Variants in RNF212B observed in about 807,000 individuals in gnomAD.
The protein encoded by RNF212B is E3 ubiquitin-protein ligase RNF212B.
In RNF212B, 52 loss-of-function variants were observed where a neutral mutation model predicts 55.5. That is an observed-to-expected ratio of 0.94 (90% CI 0.75 to 1.18). The LOEUF is 1.18. Ranked by LOEUF, RNF212B falls within the 50% of genes most tolerant of loss-of-function variation. The pLI is 0.00. For synonymous variants in RNF212B, 99 were observed against 121.4 expected, an observed-to-expected ratio of 0.82 and a Z score of 1.21; for missense variants, 289 against 350.4, an observed-to-expected ratio of 0.82 and a Z score of 1.40.
chr14:23,214,535 T>C (rs1211193586), intron 2 of RNF212B, among the ~76,000 whole-genome samples: 2 of 151,780 alleles, frequency 1.3e-5, no homozygotes, highest in Non-Finnish European at 2.9e-5. Flanking sequence ...ATTAAATTAA[T>C]TTAATTTAAA....
intron 4 of RNF212B, among the ~76,000 whole-genome samples, chr14:23,251,910 C>G (rs1884439856): frequency 6.6e-6 from 1 of 152,078 alleles, no homozygotes. Flanking sequence ...CTTCCATACC[C>G]TCTCCAGATG....
chr14:23,207,510 C>T (rs1879963734), intron 2 of RNF212B, among the ~76,000 whole-genome samples: 1 of 152,168 alleles, frequency 6.6e-6, no homozygotes, highest in Non-Finnish European at 1.5e-5. Flanking sequence ...TAGATCTCCA[C>T]CAAATTTGGG....
intron 2 of RNF212B, among the ~76,000 whole-genome samples, chr14:23,200,324 T>C (rs891401638): frequency 1.5e-4 from 23 of 151,674 alleles, no homozygotes; most frequent in African/African-American, 5.6e-4. Context: ...GAATTTCCTC[T>C]CCCCCAACTT....
chr14:23,224,861 A>G (rs1881871094), intron 2 of RNF212B, among the ~76,000 whole-genome samples: 1 of 152,314 alleles, frequency 6.6e-6, no homozygotes, highest in South Asian at 2.1e-4. Flanking sequence ...CCATCTGACA[A>G]GGGATTAATA....
intron 4 of RNF212B, among the ~76,000 whole-genome samples, chr14:23,257,166 A>G (rs538377341): frequency 1.3e-5 from 2 of 151,238 alleles, no homozygotes; most frequent in African/African-American, 2.5e-5. Flanking sequence ...CACACAAAAA[A>G]AATAAAATAA....
Position 23,272,596 on chromosome 14 carries a change from A to AT in RNF212B, c.835-226dup, listed in dbSNP as rs1405704268. On this transcript the variant is annotated intron_variant, in intron 14 of 14. Coordinates refer to ENST00000430154, the MANE Select transcript of RNF212B (RefSeq NM_001282322.3). The stretch of plus-strand genomic sequence containing the variant: ...AAAATAGTTTAATTTTCAAATATTC[A>AT]TCCTTATTATTATCACCATAAGCTA... 7.4e-6 allele frequency: 4 copies of AT among 542,672 alleles called. No individual in the cohort carries two copies. In the African/African-American group the frequency reaches 7.9e-5, roughly 11 times the overall value. 33.6% of individuals were successfully genotyped at this position (542,672 alleles called of 1,614,324 possible).
intron 2 of RNF212B, among the ~76,000 whole-genome samples, chr14:23,230,586 G>C (rs377068519): frequency 2.7e-5 from 4 of 149,428 alleles, no homozygotes; most frequent in African/African-American, 9.9e-5. Context: ...CCCGGGAGGC[G>C]GAGCTTGCAG....
intron 14 of RNF212B, among the ~76,000 whole-genome samples, chr14:23,270,913 G>A (rs1354129698): frequency 1.3e-5 from 2 of 152,178 alleles, no homozygotes; most frequent in Non-Finnish European, 2.9e-5. Context: ...AGAGGTCTTG[G>A]CCAGCGTGAA....
intron 12 of RNF212B, 47 bp from the exon 13 acceptor site, chr14:23,269,816 C>A (rs1033906565): frequency 9.1e-6 from 10 of 1,095,676 alleles, no homozygotes; most frequent in Non-Finnish European, 1.4e-5. Context: ...TTATTTTTAC[C>A]TTTACCTGTC....
At chr14:23,266,602 C>A (rs940925606) in intron 11 of RNF212B, among the ~76,000 whole-genome samples, 2 of 151,072 alleles carry the variant, frequency 1.3e-5, no homozygotes, top group African/African-American at 4.9e-5. Flanking sequence ...TTAGTAGACA[C>A]GGGGTTTCTC....
At chr14:23,228,490 A>T (rs1882240578) in intron 2 of RNF212B, among the ~76,000 whole-genome samples, 1 of 143,682 alleles carries the variant, frequency 7.0e-6, no homozygotes, top group African/African-American at 2.5e-5. Flanking sequence ...AAAAAAAATT[A>T]ACAGGTGTGG....
chr14:23,232,388 G>A (rs561195544), intron 2 of RNF212B, among the ~76,000 whole-genome samples: 1 of 151,790 alleles, frequency 6.6e-6, no homozygotes, highest in Admixed American at 6.5e-5. Context: ...TCTGAGAAGT[G>A]AGGATCCCCT....
chr14:23,264,648 G>A lies in RNF212B; in HGVS notation c.611G>A (p.Arg204Lys). ...GQGGRGLQGRRTPRDSYNETP... is the reference protein window; with the variant it reads ...GQGGRGLQGRKTPRDSYNETP... ...GGAGGCAGAGGTCTGCAGGGAAGGA[G>A]AACTCCCAGAGACTCTTATAATGGT... Residue 204 changes from arginine (R) to lysine (K), a missense_variant, in exon 11 of 15, where the codon AGA (arginine) becomes AAA (lysine). Physicochemically the swap from Arg to Lys is conservative, Grantham distance 26. Transcript: ENST00000430154. 7.5e-7 allele frequency: 1 copy of A among 1,334,188 alleles called. No homozygotes were observed. Among genetic ancestry groups the A allele is most frequent in the Non-Finnish European group, 9.7e-7 (1 of 1,034,808 alleles). The allele number at this position is 1,334,188 out of a possible 1,614,324, so 82.6% of individuals were successfully genotyped here. A position where few individuals can be genotyped will look rare whatever the true frequency, so the allele number is the denominator to read the frequency against.
At chr14:23,232,976 G>T (rs923839369), upstream of RNF212B, among the ~76,000 whole-genome samples, 1 of 152,198 alleles carries the variant, frequency 6.6e-6, no homozygotes, top group African/African-American at 2.4e-5. Context: ...AAGGGGGAAA[G>T]GTGGGGAAAA....
In RNF212B at chr14:23,238,771, A is replaced by ATCATCATCATC. The variant is rs774466922; in HGVS notation, c.-2+716_-2+717insTCATCATCATC. On this transcript the variant is annotated intron_variant, in intron 1 of 14. Coordinates refer to ENST00000430154, the MANE Select transcript of RNF212B (RefSeq NM_001282322.3). ...TAATAATAATAATAATAATAATAAT[A>ATCATCATCATC]ATAATAATAATCCCACAAAGAAACC... 1.4e-3 allele frequency among the ~76,000 whole-genome samples: 159 copies of ATCATCATCATC among 112,032 alleles called. 1 individual carries two copies. Among genetic ancestry groups the ATCATCATCATC allele is most frequent in the Middle Eastern group, 4.9e-3 (1 of 204 alleles). 73.5% of individuals were successfully genotyped at this position (112,032 alleles called of 152,430 possible). A position where few individuals can be genotyped will look rare whatever the true frequency, so the allele number is the denominator to read the frequency against.
intron 4 of RNF212B, among the ~76,000 whole-genome samples, chr14:23,255,580 G>A (rs1884769986): frequency 1.3e-5 from 2 of 152,128 alleles, no homozygotes; most frequent in Non-Finnish European, 2.9e-5. Context: ...CTGTGTTACT[G>A]TATTAACAAA....
At chr14:23,233,724 A>C (rs937063649), upstream of RNF212B, among the ~76,000 whole-genome samples, 1 of 147,656 alleles carries the variant, frequency 6.8e-6, no homozygotes, top group Non-Finnish European at 1.5e-5. Context: ...CCTGGGCAAC[A>C]GAGTGAGACC....
intron 12 of RNF212B, 31 bp downstream of exon 12, chr14:23,268,994 G>A: frequency 6.5e-7 from 1 of 1,535,478 alleles, no homozygotes; most frequent in Non-Finnish European, 8.8e-7. Context: ...TTTTTCTTGG[G>A]ATGTGTTCAT....
rs117086416 is a variant in RNF212B at position 23,261,571 on chromosome 14, A to T, written c.434+884A>T. Among the ~76,000 whole-genome samples the T allele has an allele frequency of 9.5e-3, 1,454 of 152,338 alleles. 13 individuals carry two copies. The highest frequency in any genetic ancestry group is 0.016 in the Non-Finnish European group (1,077 of 68,030). The stretch of plus-strand genomic sequence containing the variant: ...TGGTCTGTTCATTCATTCAATATTA[A>T]GTGCCTACTGTTTATCAGGTACCAT... On this transcript the variant is annotated intron_variant, in intron 7 of 14. Coordinates refer to ENST00000430154, the MANE Select transcript of RNF212B (RefSeq NM_001282322.3).
Sources: allele counts gnomAD v4.1 joint callset (sites outside exome capture counted in the v4.1 genomes callset), GRCh38; gene constraint gnomAD v4.1.1; transcripts MANE v1.5; gene names NCBI Gene and HGNC (gene_info 2026-07-23, HGNC 2026-07-21).